Variants in SPCS3 observed in about 807,000 individuals in gnomAD.
SPCS3 encodes the protein SPase 22 kDa subunit.
SPCS3 carries 9 observed loss-of-function variants against 17.2 expected under a neutral mutation model. That is an observed-to-expected ratio of 0.52 (90% confidence interval 0.31 to 0.91). The LOEUF (loss-of-function observed/expected upper bound fraction) is 0.91, where lower values mean the gene tolerates loss of function less well. Ranked by LOEUF, SPCS3 falls within the 40% of genes least tolerant of loss-of-function variation. The pLI is 0.04. For synonymous variants in SPCS3, 87 were observed against 89.6 expected (o/e 0.97, Z 0.16); for missense variants, 139 against 217.5 (o/e 0.64, Z 2.27).
At chr4:176,320,745 A>G (rs1490936324) in intron 1 of SPCS3, 1 of 152,420 alleles carries the variant, frequency 6.6e-6, no homozygotes, top group Non-Finnish European at 1.5e-5. Flanking sequence ...GCCCTGTTTG[A>G]CATTCCCTTT....
At position 176,329,956 on chromosome 4, in the gene SPCS3, C is replaced by T. The variant is rs1035026545; in HGVS notation, c.*1626C>T. The T allele has an allele frequency of 3.9e-5, 6 of 152,080 alleles. No individual in the cohort carries two copies. Among genetic ancestry groups the T allele is most frequent in the African/African-American group, 1.4e-4 (6 of 41,410 alleles). The allele number at this position is 152,080 out of a possible 1,614,324, so 9.4% of individuals were successfully genotyped here. A position where few individuals can be genotyped will look rare whatever the true frequency, so the allele number is the denominator to read the frequency against. ...CAAAAGCCTGTGGGTATGGGTTTTTCAAACCAGCAGAAAGGTCAAAGGTAC... is the reference window on the plus strand; with the variant it reads ...CAAAAGCCTGTGGGTATGGGTTTTTTAAACCAGCAGAAAGGTCAAAGGTAC... On this transcript the variant is annotated 3_prime_UTR_variant, in exon 5 of 5. Coordinates refer to ENST00000503362, the MANE Select transcript of SPCS3 (RefSeq NM_021928.4).
In SPCS3 at chr4:176,320,227, A is replaced by T; in HGVS notation, c.143+8A>T. On this transcript the variant is annotated splice_region_variant and intron_variant, in intron 1 of 4. Coordinates refer to ENST00000503362, the MANE Select transcript of SPCS3 (RefSeq NM_021928.4). ...CGTCTCGCGGATCATGCTGTGAGTG[A>T]GGCCGGGCCGGCGGTGCAGGACGCC... The T allele has an allele frequency of 6.4e-7, 1 of 1,550,804 alleles. No individual in the cohort carries two copies. The highest frequency in any genetic ancestry group is 1.9e-5 in the Admixed American group (1 of 52,138).
In SPCS3 at chr4:176,324,178, T is replaced by C; in HGVS notation, c.218-3T>C. The C allele has an allele frequency of 8.8e-7, 1 of 1,134,522 alleles. No homozygotes were observed. Among genetic ancestry groups the C allele is most frequent in the Non-Finnish European group, 1.2e-6 (1 of 826,882 alleles). 70.3% of individuals were successfully genotyped at this position (1,134,522 alleles called of 1,614,324 possible). On this transcript the variant is annotated splice_region_variant and splice_polypyrimidine_tract_variant and intron_variant, in intron 2 of 4. Transcript: ENST00000503362. The stretch of plus-strand genomic sequence containing the variant: ...AAATTTATATTTTCCTTAATTTACT[T>C]ACATCTAGAGAATATATTTGATTGG...
Position 176,332,197 on chromosome 4 carries a change from T to G in SPCS3, c.*3867T>G, listed in dbSNP as rs1174833106. The G allele has an allele frequency of 2.0e-5, 3 of 152,288 alleles. 1 individual carries two copies. In the South Asian group the frequency reaches 6.2e-4, roughly 31 times the overall value. 9.4% of individuals were successfully genotyped at this position (152,288 alleles called of 1,614,324 possible). On this transcript the variant is annotated 3_prime_UTR_variant, in exon 5 of 5. Coordinates refer to ENST00000503362, the MANE Select transcript of SPCS3 (RefSeq NM_021928.4). ...TTTGTATCTTCCCCAGCGCCTAGTGTAGTGCCTTGCACATAATAGGCGCCC... is the reference window on the plus strand; with the variant it reads ...TTTGTATCTTCCCCAGCGCCTAGTGGAGTGCCTTGCACATAATAGGCGCCC...
Position 176,320,135 on chromosome 4 carries a change from C to T in SPCS3, c.59C>T (p.Ala20Val). The T allele has an allele frequency of 6.3e-7, 1 of 1,582,962 alleles. No individual in the cohort carries two copies. The change falls in exon 1 of 5, where the codon GCG becomes GTG. Residue 20 changes from alanine (A) to valine (V), a missense_variant. Physicochemically the swap from Ala to Val is moderately conservative, Grantham distance 64. Coordinates refer to ENST00000503362, the MANE Select transcript of SPCS3 (RefSeq NM_021928.4). Reference sequence around the variant, plus strand: ...TTCGCCTTCTCGCTGAGCGTGATGGCGGCGCTCACCTTCGGCTGCTTCATC... The same window carrying T: ...TTCGCCTTCTCGCTGAGCGTGATGGTGGCGCTCACCTTCGGCTGCTTCATC... ...SLFAFSLSVM[A>V]ALTFGCFITT...
chr4:176,320,056 G>C lies in SPCS3; in HGVS notation c.-21G>C, dbSNP rs1731513657. Reference sequence around the variant, plus strand: ...AGCCTGGGTGTGCGTGTGGAGTCCGGACTCGTGGGAGACGATCGCGATGAA... The same window carrying C: ...AGCCTGGGTGTGCGTGTGGAGTCCGCACTCGTGGGAGACGATCGCGATGAA... On this transcript the variant is annotated 5_prime_UTR_variant, in exon 1 of 5. Coordinates refer to ENST00000503362, the MANE Select transcript of SPCS3 (RefSeq NM_021928.4). The C allele has an allele frequency of 1.3e-6, 2 of 1,530,158 alleles. No individual in the cohort carries two copies. Among genetic ancestry groups the C allele is most frequent in the Admixed American group, 2.0e-5 (1 of 51,156 alleles). 94.8% of individuals were successfully genotyped at this position (1,530,158 alleles called of 1,614,324 possible).
In SPCS3 at chr4:176,328,221, C is replaced by T; in HGVS notation, c.434C>T (p.Thr145Ile). Residue 145 changes from threonine to isoleucine, a missense_variant, in exon 5 of 5, where the codon ACC (threonine) becomes ATC (isoleucine). Coordinates refer to ENST00000503362, the MANE Select transcript of SPCS3 (RefSeq NM_021928.4). ...AGGGGAAACAGGAATGTCACTTTGA[C>T]CCTGTCTTGGAACGTCGTACCAAAT... Reference protein sequence around the residue: ...GLKGNRNVTLTLSWNVVPNAG... With the variant: ...GLKGNRNVTLILSWNVVPNAG... The T allele has an allele frequency of 1.2e-6, 2 of 1,612,808 alleles. No homozygotes were observed. The highest frequency in any genetic ancestry group is 1.7e-6 in the Non-Finnish European group (2 of 1,179,452).
chr4:176,321,929 C>T (rs1731544393), intron 1 of SPCS3: 3 of 321,952 alleles, frequency 9.3e-6, no homozygotes, highest in African/African-American at 4.3e-5. Flanking sequence ...AGTTTTTATC[C>T]CCTTCTGAGT....
chr4:176,322,228 T>C lies in SPCS3; in HGVS notation c.202T>C (p.Phe68Leu). ...RERSDLGFITFDITADLENIF... is the reference protein window; with the variant it reads ...RERSDLGFITLDITADLENIF... ...AAGAAGTGATCTGGGATTTATCACA[T>C]TTGATATAACTGCTGATATCCTTTA... is the stretch of plus-strand genomic sequence containing the variant. The change falls in exon 2 of 5, where the codon TTT (phenylalanine) becomes CTT (leucine). Residue 68 changes from phenylalanine to leucine, a missense_variant. By Grantham distance (22) the Phe-to-Leu change is conservative (BLOSUM62 0). Transcript: ENST00000503362. 1 of 1,603,236 alleles carries C rather than the reference T, an allele frequency of 6.2e-7. No individual in the cohort carries two copies. The highest frequency in any genetic ancestry group is 8.5e-7 in the Non-Finnish European group (1 of 1,170,786).
At chr4:176,325,054 T>A (rs868820168) in intron 3 of SPCS3, among the ~76,000 whole-genome samples, 1 of 141,306 alleles carries the variant, frequency 7.1e-6, no homozygotes, top group Admixed American at 7.1e-5. Flanking sequence ...TTTTTTTACT[T>A]TTTTTTTTTT....
At chr4:176,327,820 T>G (rs1039172509) in intron 4 of SPCS3, among the ~76,000 whole-genome samples, 1 of 152,176 alleles carries the variant, frequency 6.6e-6, no homozygotes, top group Non-Finnish European at 1.5e-5. Context: ...TTTCAGAACA[T>G]GAGAATTTTG....
chr4:176,331,950 TA>T lies in SPCS3; in HGVS notation c.*3621del, dbSNP rs1435971917. On this transcript the variant is annotated 3_prime_UTR_variant, in exon 5 of 5. Transcript: ENST00000503362. ...TTTTCTAATGAAAATGAATTTTGTT[TA>T]CCAGTAAAAGTATGCATTTTAAAAG... 2.0e-5 allele frequency: 3 copies of T among 152,246 alleles called. No individual in the cohort carries two copies. The highest frequency in any genetic ancestry group is 2.9e-5 in the Non-Finnish European group (2 of 68,050). The allele number at this position is 152,246 out of a possible 1,614,324, so 9.4% of individuals were successfully genotyped here.
rs1293843587 is a variant in SPCS3 at position 176,330,066 on chromosome 4, G to A, written c.*1736G>A. ...CTTTATCTGTAAAATGACAGAGTTGGACCAGTTAACTTTAATGGCCATCCT... is the reference window on the plus strand; with the variant it reads ...CTTTATCTGTAAAATGACAGAGTTGAACCAGTTAACTTTAATGGCCATCCT... On this transcript the variant is annotated 3_prime_UTR_variant, in exon 5 of 5. Transcript: ENST00000503362. 1 of 152,042 alleles carries A rather than the reference G, an allele frequency of 6.6e-6. No individual in the cohort carries two copies. Among genetic ancestry groups the A allele is most frequent in the African/African-American group, 2.4e-5 (1 of 41,388 alleles). The allele number at this position is 152,042 out of a possible 1,614,324, so 9.4% of individuals were successfully genotyped here.
At chr4:176,322,941 C>G (rs565192381) in intron 2 of SPCS3, among the ~76,000 whole-genome samples, 12 of 152,078 alleles carry the variant, frequency 7.9e-5, no homozygotes, top group Non-Finnish European at 1.8e-4. Flanking sequence ...CTGATTTCAT[C>G]TGCCTTTTTA....
chr4:176,321,606 C>T (rs1336037786), intron 1 of SPCS3: 1 of 152,168 alleles, frequency 6.6e-6, no homozygotes, highest in Non-Finnish European at 1.5e-5. Context: ...ATAAAACTTA[C>T]AAGTTAAGCA....
chr4:176,326,967 T>G (rs1731615677), intron 3 of SPCS3, 195 bp from the exon 4 acceptor site: 1 of 410,530 alleles, frequency 2.4e-6, no homozygotes, highest in South Asian at 3.1e-5. Context: ...GGAATTGTCA[T>G]TCTTCTCTCT....
rs1731638522 is a variant in SPCS3 at position 176,328,445 on chromosome 4, T to G, written c.*115T>G. 5 of 832,628 alleles carry G rather than the reference T, an allele frequency of 6.0e-6. No homozygotes were observed. Among genetic ancestry groups the G allele is most frequent in the South Asian group, 2.8e-5 (1 of 35,344 alleles). The allele number at this position is 832,628 out of a possible 1,614,324, so 51.6% of individuals were successfully genotyped here. A position where few individuals can be genotyped will look rare whatever the true frequency, so the allele number is the denominator to read the frequency against. The stretch of plus-strand genomic sequence containing the variant: ...TGTTTTTTGGTTTTGGGTTTTTTTT[T>G]TTTTTTTTTTGGTATAAGAACTAAC... On this transcript the variant is annotated 3_prime_UTR_variant, in exon 5 of 5. Transcript: ENST00000503362.
rs573775845 is a variant in SPCS3 at position 176,320,228 on chromosome 4, G to A, written c.143+9G>A. The stretch of plus-strand genomic sequence containing the variant: ...GTCTCGCGGATCATGCTGTGAGTGA[G>A]GCCGGGCCGGCGGTGCAGGACGCCG... On this transcript the variant is annotated intron_variant, in intron 1 of 4. Transcript: ENST00000503362. The A allele has an allele frequency of 1.2e-5, 18 of 1,550,104 alleles. No homozygotes were observed. In the East Asian group the frequency reaches 4.6e-4, roughly 40 times the overall value.
chr4:176,321,059 C>T (rs1210624758), intron 1 of SPCS3: 1 of 152,150 alleles, frequency 6.6e-6, no homozygotes, highest in Non-Finnish European at 1.5e-5. Context: ...TTCTCATACC[C>T]TTCTACTCTA....
Sources: allele counts gnomAD v4.1 joint callset (sites outside exome capture counted in the v4.1 genomes callset), GRCh38; gene constraint gnomAD v4.1.1; transcripts MANE v1.5; gene names NCBI Gene and HGNC (gene_info 2026-07-23, HGNC 2026-07-21).